FHIT: variants seen among roughly 807,000 people sequenced by gnomAD.
FHIT encodes the protein fragile histidine triad diadenosine triphosphatase, also known as bis(5'-adenosyl)-triphosphatase.
FHIT carries 19 observed loss-of-function variants against 17.9 expected under a neutral mutation model. That is an observed-to-expected ratio of 1.06 (90% confidence interval 0.74 to 1.56). The LOEUF (loss-of-function observed/expected upper bound fraction) is 1.56, where lower values mean the gene tolerates loss of function less well. Among genes scored for constraint, FHIT ranks in the 40% most tolerant of loss-of-function variants. The pLI, the probability that FHIT is intolerant of heterozygous loss-of-function variation, is 0.00. For missense variants in FHIT, 248 were observed against 189.2 expected, an observed-to-expected ratio of 1.31 and a Z score of -1.82; for synonymous variants, 81 against 69.7, an observed-to-expected ratio of 1.16 and a Z score of -0.81.
At chr3:60,767,176 A>G (rs148822602) in intron 4 of FHIT, among the ~76,000 whole-genome samples, 64 of 152,352 alleles carry the variant, frequency 4.2e-4, no homozygotes, top group African/African-American at 1.5e-3. Flanking sequence ...AAAATAAGAA[A>G]TAATGATAGC....
At chr3:60,394,201 C>T (rs1463812134) in intron 5 of FHIT, among the ~76,000 whole-genome samples, 1 of 152,074 alleles carries the variant, frequency 6.6e-6, no homozygotes, top group Non-Finnish European at 1.5e-5. Context: ...TCAGAAAATT[C>T]ATTGAAGAGA....
At chr3:61,045,836 C>G (rs990083108) in intron 2 of FHIT, among the ~76,000 whole-genome samples, 5 of 152,132 alleles carry the variant, frequency 3.3e-5, no homozygotes, top group Admixed American at 2.6e-4. Context: ...TCAAGAAACT[C>G]ACTCAAAACC....
At chr3:60,105,538 A>G (rs1381972722) in intron 5 of FHIT, among the ~76,000 whole-genome samples, 2 of 152,190 alleles carry the variant, frequency 1.3e-5, no homozygotes, top group East Asian at 3.8e-4. Context: ...TACTTTAGTG[A>G]TCAGGGTGAA....
chr3:60,252,762 C>T (rs36023952), intron 5 of FHIT, among the ~76,000 whole-genome samples: 13,609 of 151,490 alleles, frequency 0.09, 803 homozygotes, highest in South Asian at 0.17. Flanking sequence ...AGGCCGAGGC[C>T]GGTGGATCAC....
intron 2 of FHIT, among the ~76,000 whole-genome samples, chr3:61,102,337 G>A (rs1375816769): frequency 6.6e-6 from 1 of 152,158 alleles, no homozygotes; most frequent in Non-Finnish European, 1.5e-5. Context: ...CTTTGGTTCT[G>A]TTTATGTGAT....
chr3:60,800,155 T>G (rs540526340), intron 4 of FHIT, among the ~76,000 whole-genome samples: 1 of 152,290 alleles, frequency 6.6e-6, no homozygotes, highest in Admixed American at 6.5e-5. Context: ...CCAAGCTGAA[T>G]TTCCTTCCCC....
chr3:60,736,377 G>GA (rs2042132756), intron 4 of FHIT, among the ~76,000 whole-genome samples: 1 of 148,438 alleles, frequency 6.7e-6, no homozygotes, highest in African/African-American at 2.4e-5. Flanking sequence ...GCCAAAATGT[G>GA]GGAAAAAAAA....
At chr3:59,792,881 G>GGC (rs1682513406) in intron 8 of FHIT, among the ~76,000 whole-genome samples, 1 of 145,746 alleles carries the variant, frequency 6.9e-6, no homozygotes, top group Non-Finnish European at 1.5e-5. Context: ...TTGGGGGGGG[G>GGC]GGTCATGAAC....
chr3:61,126,609 C>G (rs2036614662), intron 2 of FHIT, among the ~76,000 whole-genome samples: 1 of 152,174 alleles, frequency 6.6e-6, no homozygotes, highest in African/African-American at 2.4e-5. Flanking sequence ...TGGTATCTCC[C>G]TCAACACATG....
At chr3:60,579,219 A>G (rs541317729) in intron 4 of FHIT, among the ~76,000 whole-genome samples, 42 of 152,312 alleles carry the variant, frequency 2.8e-4, no homozygotes, top group Admixed American at 1.6e-3. Flanking sequence ...AGCCCACTAT[A>G]CACATAGGCT....
chr3:61,156,978 C>T (rs755189517), intron 2 of FHIT, among the ~76,000 whole-genome samples: 4 of 151,998 alleles, frequency 2.6e-5, no homozygotes, highest in African/African-American at 4.8e-5. Context: ...TTGGGTCACT[C>T]AAAAAATGAA....
At chr3:60,059,678 C>A (rs367833776) in intron 5 of FHIT, among the ~76,000 whole-genome samples, 3 of 152,108 alleles carry the variant, frequency 2.0e-5, no homozygotes, top group African/African-American at 7.2e-5. Flanking sequence ...AGGCCCATAT[C>A]GATTAGCCGC....
chr3:60,578,414 G>A (rs561410957), intron 4 of FHIT, among the ~76,000 whole-genome samples: 22 of 149,514 alleles, frequency 1.5e-4, no homozygotes, highest in Non-Finnish European at 2.5e-4. Flanking sequence ...TCTGGCCTGG[G>A]CGAAAGAGCA....
chr3:60,285,055 AATTTTATTCAAAT>A (rs1327108804), intron 5 of FHIT, among the ~76,000 whole-genome samples: 30 of 152,218 alleles, frequency 2.0e-4, no homozygotes, highest in Admixed American at 4.6e-4. Flanking sequence ...AAAACCTAGT[AATTTTATTCAAAT>A]ATTCTCCCTC....
intron 3 of FHIT, among the ~76,000 whole-genome samples, chr3:60,907,732 A>G (rs1195529333): frequency 6.6e-6 from 1 of 152,218 alleles, no homozygotes; most frequent in East Asian, 1.9e-4. Context: ...TAATAACTGG[A>G]TCCTCAAGGG....
intron 5 of FHIT, among the ~76,000 whole-genome samples, chr3:60,415,821 A>G (rs1702226018): frequency 6.7e-6 from 1 of 149,586 alleles, no homozygotes; most frequent in Admixed American, 6.7e-5. Flanking sequence ...TTCCTCATCT[A>G]TAAAATAATA....
intron 2 of FHIT, among the ~76,000 whole-genome samples, chr3:61,164,790 T>C (rs2037788822): frequency 6.6e-6 from 1 of 152,166 alleles, no homozygotes; most frequent in East Asian, 1.9e-4. Flanking sequence ...AACCCTTGCT[T>C]CCCTCCCTCA....
At chr3:60,317,080 T>C (rs1053159129) in intron 5 of FHIT, among the ~76,000 whole-genome samples, 1 of 152,190 alleles carries the variant, frequency 6.6e-6, no homozygotes, top group Admixed American at 6.5e-5. Flanking sequence ...GGAAAGTATA[T>C]TGGCCCAGAA....
intron 4 of FHIT, among the ~76,000 whole-genome samples, chr3:60,725,979 T>TA (rs2041909424): frequency 6.6e-6 from 1 of 152,064 alleles, no homozygotes; most frequent in South Asian, 2.1e-4. Flanking sequence ...AAAACCGATT[T>TA]AAAAAAATTG....
Sources: gnomAD v4.1 joint callset for allele counts (sites outside exome capture counted in the v4.1 genomes callset) on GRCh38, gnomAD v4.1.1 for gene constraint, MANE v1.5 for transcripts, NCBI Gene and HGNC (gene_info 2026-07-23, HGNC 2026-07-21) for gene names.